The following CCDC158 variants were observed in gnomAD, a reference collection of about 807,000 sequenced individuals.
The protein encoded by CCDC158 is coiled-coil domain containing 158, also known as coiled-coil domain-containing protein 158.
In CCDC158, 116 loss-of-function variants were observed where a neutral mutation model predicts 138.6. The observed-to-expected ratio is 0.84, with a 90% CI of 0.72 to 0.98. The LOEUF is 0.98. Ranked by LOEUF, CCDC158 falls within the 50% of genes least tolerant of loss-of-function variation. CCDC158 has a pLI of 0.00. For synonymous variants in CCDC158, 436 were observed against 442.4 expected (o/e 0.99, Z 0.18); for missense variants, 1,265 against 1,306.1 (o/e 0.97, Z 0.48).
chr4:76,371,098 T>G (rs1199238949), intron 10 of CCDC158, among the ~76,000 whole-genome samples: 2 of 152,218 alleles, frequency 1.3e-5, no homozygotes, highest in African/African-American at 4.8e-5. Flanking sequence ...TTTTTATGTG[T>G]TTTGAATGTT....
At chr4:76,405,246 C>A (rs1728723049) in intron 2 of CCDC158, among the ~76,000 whole-genome samples, 1 of 152,096 alleles carries the variant, frequency 6.6e-6, no homozygotes, top group Non-Finnish European at 1.5e-5. Context: ...GTAGTACTTT[C>A]AAGAAGGGAA....
intron 1 of CCDC158, among the ~76,000 whole-genome samples, chr4:76,414,896 A>G (rs1469500956): frequency 2.0e-5 from 3 of 152,178 alleles, no homozygotes; most frequent in Non-Finnish European, 4.4e-5. Context: ...GTAAATTGGT[A>G]CCAGTAGTGT....
chr4:76,375,104 A>C (rs897792096), intron 9 of CCDC158: 17 of 154,016 alleles, frequency 1.1e-4, no homozygotes, highest in African/African-American at 4.1e-4. Flanking sequence ...GAGTTGATAT[A>C]AACAGCTGTA....
intron 3 of CCDC158, among the ~76,000 whole-genome samples, chr4:76,397,751 C>G (rs1369900808): frequency 6.6e-6 from 1 of 152,200 alleles, no homozygotes; most frequent in African/African-American, 2.4e-5. Context: ...GTGCTTCTAA[C>G]TTATGATTTT....
chr4:76,404,256 G>A (rs1728639232), intron 2 of CCDC158, among the ~76,000 whole-genome samples: 2 of 152,080 alleles, frequency 1.3e-5, no homozygotes, highest in African/African-American at 4.8e-5. Flanking sequence ...ATGGCAGAAG[G>A]CAGTCTCAAA....
At chr4:76,327,539 G>C (rs1443585648) in intron 22 of CCDC158, among the ~76,000 whole-genome samples, 1 of 152,080 alleles carries the variant, frequency 6.6e-6, no homozygotes, top group Non-Finnish European at 1.5e-5. Flanking sequence ...TAACATAATG[G>C]TAAGTATTTA....
intron 22 of CCDC158, 80 bp from the exon 23 acceptor site, chr4:76,326,095 T>C: frequency 8.5e-7 from 1 of 1,176,694 alleles, no homozygotes; most frequent in African/African-American, 1.5e-5. Flanking sequence ...AGTCAAGCTT[T>C]CATGAGAAAA....
rs74435081 is a variant in CCDC158, at chr4:76,350,245, A to G, written c.2664+751T>C. Among the ~76,000 whole-genome samples the G allele has an allele frequency of 7.4e-3, 1,120 of 152,308 alleles. 14 individuals are homozygous for G. The highest frequency in any genetic ancestry group is 0.026 in the African/African-American group (1,064 of 41,562). On this transcript the variant is annotated intron_variant, in intron 18 of 24. Transcript: ENST00000682701. ...TTTGTTGTATGATAGTTTATGTTTC[A>G]GCGCACACATCTTAAGTGTGTGAGA...
At chr4:76,313,978 C>T (rs1560770498) in intron 24 of CCDC158, among the ~76,000 whole-genome samples, 1 of 152,122 alleles carries the variant, frequency 6.6e-6, no homozygotes, top group Non-Finnish European at 1.5e-5. Flanking sequence ...CATCCTTTTT[C>T]TAAACATCCT....
At chr4:76,332,588 C>A (rs1036771698) in intron 19 of CCDC158, 97 bp from the exon 20 acceptor site, 1 of 929,770 alleles carries the variant, frequency 1.1e-6, no homozygotes, top group South Asian at 1.8e-5. Flanking sequence ...TTCAATTTTT[C>A]TTTTAGTGAC....
intron 2 of CCDC158, among the ~76,000 whole-genome samples, chr4:76,411,313 G>A (rs532139752): frequency 1.3e-4 from 20 of 152,010 alleles, no homozygotes; most frequent in Admixed American, 9.8e-4. Flanking sequence ...GAGGTGGGAG[G>A]ATCCCTTGAG....
intron 14 of CCDC158, among the ~76,000 whole-genome samples, chr4:76,355,798 C>CGTGTGTGTGTGTGTGTGTGT (rs71212417): frequency 6.9e-6 from 1 of 145,496 alleles, no homozygotes. Flanking sequence ...AATATATGTA[C>CGTGTGTGTGTGTGTGTGTGT]GTGTGTGTGT....
chr4:76,392,075 G>A (rs1156579190), intron 4 of CCDC158, among the ~76,000 whole-genome samples: 3 of 151,800 alleles, frequency 2.0e-5, no homozygotes, highest in African/African-American at 7.2e-5. Context: ...ATACTCAACT[G>A]TTCCAAAAAC....
At chr4:76,406,835 A>G (rs1728868081) in intron 2 of CCDC158, among the ~76,000 whole-genome samples, 1 of 152,134 alleles carries the variant, frequency 6.6e-6, no homozygotes, top group African/African-American at 2.4e-5. Flanking sequence ...TAGTAAAAAG[A>G]TGAAAATTCC....
chr4:76,364,959 C>A (rs1560428875), intron 12 of CCDC158, among the ~76,000 whole-genome samples: 1 of 152,228 alleles, frequency 6.6e-6, no homozygotes, highest in Non-Finnish European at 1.5e-5. Context: ...CTCTGCCTAG[C>A]CACTCCTGGC....
chr4:76,355,060 A>G (rs890734652), intron 15 of CCDC158, among the ~76,000 whole-genome samples: 8 of 152,198 alleles, frequency 5.3e-5, no homozygotes, highest in African/African-American at 1.9e-4. Context: ...ATGTCACATT[A>G]TAATGGAACT....
At chr4:76,318,503 G>C (rs868215125) in intron 24 of CCDC158, among the ~76,000 whole-genome samples, 1 of 152,034 alleles carries the variant, frequency 6.6e-6, no homozygotes, top group Non-Finnish European at 1.5e-5. Flanking sequence ...CAAGTAGTGA[G>C]ATTGAAACAG....
intron 9 of CCDC158, among the ~76,000 whole-genome samples, chr4:76,374,391 T>C (rs2110269370): frequency 6.6e-6 from 1 of 152,336 alleles, no homozygotes; most frequent in East Asian, 1.9e-4. Context: ...TACACAATTA[T>C]GTTTGCCTGG....
At position 76,357,441 on chromosome 4, in the gene CCDC158, T is replaced by C. The variant is rs1723683385; in HGVS notation, c.2106A>G (p.Lys702=). 3.1e-6 allele frequency: 5 copies of C among 1,605,846 alleles called. No homozygotes were observed. Among genetic ancestry groups the C allele is most frequent in the Non-Finnish European group, 4.3e-6 (5 of 1,176,350 alleles). ...TCTGTTCTAGTTCAGACTGTGCAGATTTTAATTGCATTTTCAACTTATTTG... is the reference window on the plus strand; with the variant it reads ...TCTGTTCTAGTTCAGACTGTGCAGACTTTAATTGCATTTTCAACTTATTTG... ...MTTNKLKMQL[K]SAQSELEQTR... Residue 702 remains lysine, a synonymous_variant, in exon 14 of 25, where the codon AAA becomes AAG. Coordinates refer to ENST00000682701, the MANE Select transcript of CCDC158 (RefSeq NM_001394954.1).
Sources: gnomAD v4.1 joint callset for allele counts (sites outside exome capture counted in the v4.1 genomes callset) on GRCh38, gnomAD v4.1.1 for gene constraint, MANE v1.5 for transcripts, NCBI Gene and HGNC (gene_info 2026-07-23, HGNC 2026-07-21) for gene names.